SLCO1A2: variants seen among roughly 807,000 people sequenced by gnomAD.
SLCO1A2 encodes the protein OATP-1.
Under a neutral mutation model 69.0 loss-of-function variants are expected in SLCO1A2, and 67 were observed. The ratio of observed to expected loss-of-function variants is 0.97; its 90% CI spans 0.80 to 1.19. The LOEUF is 1.19. SLCO1A2 is among the 50% of genes most tolerant of loss of function. The probability of loss-of-function intolerance (pLI) is 0.00; values close to 1 mark genes in which losing one functional copy is unlikely to be tolerated. For synonymous variants in SLCO1A2, 260 were observed against 265.9 expected (o/e 0.98, Z 0.22); for missense variants, 787 against 793.7 (o/e 0.99, Z 0.10).
At position 21,267,312 on chromosome 12, in the gene SLCO1A2, T is replaced by C. The variant is rs768689725; in HGVS notation, c.*2236A>G. On this transcript the variant is annotated 3_prime_UTR_variant, in exon 15 of 15. Coordinates refer to ENST00000683939, the MANE Select transcript of SLCO1A2 (RefSeq NM_001386879.1). ...CATTGAGGGAGTTCAAGTGGGTGAA[T>C]TGTCCACAAAGCAAGACTCAGCTTT... 3 of 152,178 alleles carry C rather than the reference T, an allele frequency of 2.0e-5. No homozygotes were observed. The highest frequency in any genetic ancestry group is 2.9e-5 in the Non-Finnish European group (2 of 68,082). The allele number at this position is 152,178 out of a possible 1,614,324, so 9.4% of individuals were successfully genotyped here.
intron 2 of SLCO1A2, among the ~76,000 whole-genome samples, chr12:21,325,713 C>T (rs918175827): frequency 3.9e-5 from 6 of 152,128 alleles, no homozygotes; most frequent in African/African-American, 1.4e-4. Context: ...TGTTTCAACC[C>T]CATCAATTTT....
intron 2 of SLCO1A2, chr12:21,319,494 G>C: frequency 1.5e-6 from 2 of 1,357,570 alleles, no homozygotes; most frequent in Non-Finnish European, 2.0e-6. Flanking sequence ...TCCCATAGTA[G>C]GATGCTCTGC....
intron 12 of SLCO1A2, among the ~76,000 whole-genome samples, chr12:21,288,155 G>A (rs1176615280): frequency 1.3e-5 from 2 of 151,980 alleles, no homozygotes; most frequent in Non-Finnish European, 2.9e-5. Context: ...CTAAAAATGA[G>A]AACAGGCTGG....
chr12:21,300,634 T>C (rs1591814399), intron 7 of SLCO1A2, 65 bp from the exon 8 acceptor site: 1 of 1,253,422 alleles, frequency 8.0e-7, no homozygotes, highest in East Asian at 2.6e-5. Flanking sequence ...CTATAGAAAA[T>C]TATTAAAATT....
chr12:21,269,423 G>T lies in SLCO1A2; in HGVS notation c.*125C>A. ...ATTAGTGAACATTTTATTATTTTGA[G>T]TTAAGAGGTTTTTTAGGTTCTTAAA... On this transcript the variant is annotated 3_prime_UTR_variant, in exon 15 of 15. Transcript: ENST00000683939. The T allele has an allele frequency of 1.6e-6, 1 of 613,364 alleles. No homozygotes were observed. The highest frequency in any genetic ancestry group is 2.7e-6 in the Non-Finnish European group (1 of 369,330). 38.0% of individuals were successfully genotyped at this position (613,364 alleles called of 1,614,324 possible).
intron 12 of SLCO1A2, among the ~76,000 whole-genome samples, chr12:21,284,251 A>G (rs116926792): frequency 0.096 from 14,586 of 152,168 alleles, 940 homozygotes; most frequent in Non-Finnish European, 0.15. Context: ...AAAAAGAATG[A>G]GGGGGAGGAG....
intron 2 of SLCO1A2, among the ~76,000 whole-genome samples, chr12:21,361,867 C>G (rs564558932): frequency 6.6e-6 from 1 of 152,202 alleles, no homozygotes; most frequent in Non-Finnish European, 1.5e-5. Context: ...AAGAAATGAA[C>G]AAAGCCTCCA....
intron 4 of SLCO1A2, among the ~76,000 whole-genome samples, chr12:21,313,493 C>T (rs1950475030): frequency 6.6e-6 from 1 of 152,222 alleles, no homozygotes; most frequent in South Asian, 2.1e-4. Context: ...GGGCGGATTG[C>T]TTGAACCCAG....
chr12:21,299,013 A>G (rs1352201124), intron 8 of SLCO1A2, among the ~76,000 whole-genome samples: 1 of 152,200 alleles, frequency 6.6e-6, no homozygotes, highest in African/African-American at 2.4e-5. Flanking sequence ...TAACACTAGT[A>G]TCAGTATTAA....
chr12:21,397,618 G>A (rs973808857), upstream of SLCO1A2, among the ~76,000 whole-genome samples: 3 of 151,712 alleles, frequency 2.0e-5, no homozygotes, highest in African/African-American at 7.3e-5. Context: ...ACCACATACT[G>A]GGAAGTAAAG....
intron 3 of SLCO1A2, 55 bp downstream of exon 3, chr12:21,318,727 A>G: frequency 6.8e-7 from 1 of 1,467,982 alleles, no homozygotes; most frequent in Non-Finnish European, 9.2e-7. Flanking sequence ...AATTCAGACT[A>G]GCTCCACAGA....
intron 2 of SLCO1A2, among the ~76,000 whole-genome samples, chr12:21,368,270 T>C (rs1420340678): frequency 1.3e-5 from 2 of 151,984 alleles, no homozygotes; most frequent in Non-Finnish European, 2.9e-5. Context: ...GAAATGCAAA[T>C]GAGAAAGGAA....
chr12:21,274,633 C>CTTGA lies in SLCO1A2; in HGVS notation c.1676-51_1676-48dup, dbSNP rs775290611. Reference sequence around the variant, plus strand: ...AAATCTATCAACAAGAATTAAGATACTTGATTTATTTGGAAATATTTCAAT... The same window carrying CTTGA: ...AAATCTATCAACAAGAATTAAGATACTTGATTGATTTATTTGGAAATATTTCAAT... On this transcript the variant is annotated intron_variant, in intron 13 of 14. Coordinates refer to ENST00000683939, the MANE Select transcript of SLCO1A2 (RefSeq NM_001386879.1). The CTTGA allele has an allele frequency of 2.5e-6, 3 of 1,197,340 alleles. No individual in the cohort carries two copies. In the African/African-American group the frequency reaches 4.5e-5, roughly 18 times the overall value. 74.2% of individuals were successfully genotyped at this position (1,197,340 alleles called of 1,614,324 possible). A position where few individuals can be genotyped will look rare whatever the true frequency, so the allele number is the denominator to read the frequency against.
At chr12:21,333,008 G>C (rs1433941725) in intron 2 of SLCO1A2, among the ~76,000 whole-genome samples, 1 of 152,026 alleles carries the variant, frequency 6.6e-6, no homozygotes, top group African/African-American at 2.4e-5. Context: ...CTACAGCATA[G>C]TATGGCCATA....
intron 8 of SLCO1A2, among the ~76,000 whole-genome samples, chr12:21,297,870 C>T (rs946097418): frequency 3.3e-5 from 5 of 152,108 alleles, no homozygotes; most frequent in African/African-American, 7.2e-5. Context: ...ATATTGTCTA[C>T]GTCCACAGCA....
At chr12:21,275,899 G>A (rs368843209) in intron 12 of SLCO1A2, among the ~76,000 whole-genome samples, 21 of 151,508 alleles carry the variant, frequency 1.4e-4, no homozygotes, top group East Asian at 3.9e-4. Context: ...CTGAAATTGC[G>A]CCACTGCACT....
At chr12:21,385,623 C>T (rs946162306) in intron 1 of SLCO1A2, among the ~76,000 whole-genome samples, 8 of 152,248 alleles carry the variant, frequency 5.3e-5, no homozygotes, top group African/African-American at 7.2e-5. Context: ...GTCCTATTAC[C>T]GTACAATGTC....
intron 1 of SLCO1A2, among the ~76,000 whole-genome samples, chr12:21,376,022 A>G (rs1940170237): frequency 6.6e-6 from 1 of 152,248 alleles, no homozygotes; most frequent in Non-Finnish European, 1.5e-5. Context: ...GTATATTTAG[A>G]TGAAAAGTCT....
chr12:21,320,719 G>A (rs541330771), intron 2 of SLCO1A2, among the ~76,000 whole-genome samples: 22 of 151,988 alleles, frequency 1.4e-4, no homozygotes, highest in Non-Finnish European at 5.9e-5. Flanking sequence ...GGCTGGTCTC[G>A]AACTCCTGAC....
Sources: gnomAD v4.1 joint callset for allele counts (sites outside exome capture counted in the v4.1 genomes callset) on GRCh38, gnomAD v4.1.1 for gene constraint, MANE v1.5 for transcripts, NCBI Gene and HGNC (gene_info 2026-07-23, HGNC 2026-07-21) for gene names.